UBE2D1: variants seen among roughly 807,000 people sequenced by gnomAD.
The protein encoded by UBE2D1 is ubiquitin-conjugating enzyme E2 D1.
UBE2D1 carries 9 observed loss-of-function variants against 24.6 expected under a neutral mutation model. That is an observed-to-expected ratio of 0.37 (90% CI 0.22 to 0.64). The LOEUF (loss-of-function observed/expected upper bound fraction) is 0.64. UBE2D1 is among the 30% of genes least tolerant of loss of function. The pLI is 0.64. For missense variants in UBE2D1, 87 were observed against 177.1 expected, an observed-to-expected ratio of 0.49 and a Z score of 2.89; for synonymous variants, 57 against 57.6, an observed-to-expected ratio of 0.99 and a Z score of 0.04.
chr10:58,358,271 TTAAC>T (rs1357867971), intron 1 of UBE2D1, among the ~76,000 whole-genome samples: 2 of 152,198 alleles, frequency 1.3e-5, no homozygotes, highest in Non-Finnish European at 2.9e-5. Context: ...CATTTTCTGA[TTAAC>T]TAGTTTGCTA....
At chr10:58,341,973 A>G (rs1162967013) in intron 1 of UBE2D1, among the ~76,000 whole-genome samples, 1 of 152,212 alleles carries the variant, frequency 6.6e-6, no homozygotes, top group African/African-American at 2.4e-5. Flanking sequence ...TTGGAGGGGT[A>G]GGTCCTCAGG....
intron 1 of UBE2D1, among the ~76,000 whole-genome samples, chr10:58,350,612 G>C (rs944575101): frequency 1.3e-5 from 2 of 152,016 alleles, no homozygotes; most frequent in Non-Finnish European, 2.9e-5. Flanking sequence ...TTTTAATCAA[G>C]TCCAAATTTT....
At chr10:58,368,436 T>G (rs1840279959) in intron 6 of UBE2D1, 1 of 288,358 alleles carries the variant, frequency 3.5e-6, no homozygotes. Flanking sequence ...TAATGCTCCT[T>G]CAGGATTGGC....
intron 1 of UBE2D1, among the ~76,000 whole-genome samples, chr10:58,342,738 T>G (rs1472424384): frequency 1.3e-5 from 2 of 152,126 alleles, no homozygotes; most frequent in Non-Finnish European, 2.9e-5. Context: ...AGCTTTCTGT[T>G]GTTGATTTCT....
chr10:58,360,936 AG>A (rs1178125683), intron 1 of UBE2D1: 1 of 452,330 alleles, frequency 2.2e-6, no homozygotes, highest in Admixed American at 2.4e-5. Flanking sequence ...AAAAAAAAAA[AG>A]TTATCCTGAA....
intron 1 of UBE2D1, among the ~76,000 whole-genome samples, chr10:58,345,750 A>G (rs1191994376): frequency 6.6e-6 from 1 of 152,140 alleles, no homozygotes; most frequent in Non-Finnish European, 1.5e-5. Flanking sequence ...GGAATTTGAT[A>G]TAGGTTGGGA....
chr10:58,366,920 C>G (rs1264340503), intron 5 of UBE2D1, among the ~76,000 whole-genome samples: 1 of 152,000 alleles, frequency 6.6e-6, no homozygotes, highest in Non-Finnish European at 1.5e-5. Flanking sequence ...TGCTTTTTAT[C>G]ATGAGGTTAG....
chr10:58,364,498 C>T (rs918233531), intron 4 of UBE2D1: 18 of 257,072 alleles, frequency 7.0e-5, no homozygotes, highest in Non-Finnish European at 1.1e-4. Context: ...CCAGTCATAC[C>T]GGCTACTAGA....
At chr10:58,353,154 G>A (rs1258122864) in intron 1 of UBE2D1, among the ~76,000 whole-genome samples, 1 of 152,156 alleles carries the variant, frequency 6.6e-6, no homozygotes, top group African/African-American at 2.4e-5. Flanking sequence ...CCTGACCAGT[G>A]ATTTATGAGG....
intron 1 of UBE2D1, among the ~76,000 whole-genome samples, chr10:58,352,119 CT>C (rs529276359): frequency 1.7e-4 from 26 of 151,904 alleles, no homozygotes; most frequent in African/African-American, 5.3e-4. Context: ...TTTCACATTT[CT>C]TTTTTTTCTT....
chr10:58,335,222 G>A lies in UBE2D1; in HGVS notation c.21G>A (p.Gln7=). MALKRI[Q]KELSDLQRDP... ...GACCCATGGCGCTGAAGAGGATTCAGAAAGTGAGTGCCGGGGCCGGGCCTG... is the reference window on the plus strand; with the variant it reads ...GACCCATGGCGCTGAAGAGGATTCAAAAAGTGAGTGCCGGGGCCGGGCCTG... Residue 7 remains glutamine (Q), a synonymous_variant, in exon 1 of 7, where the codon CAG becomes CAA. Transcript: ENST00000373910. 1 of 1,545,294 alleles carries A rather than the reference G, an allele frequency of 6.5e-7. No homozygotes were observed. The highest frequency in any genetic ancestry group is 8.7e-7 in the Non-Finnish European group (1 of 1,148,172).
chr10:58,369,782 T>C lies in UBE2D1; in HGVS notation c.*1017T>C, dbSNP rs974420639. 6.6e-6 allele frequency: 1 copy of C among 152,048 alleles called. No homozygotes were observed. The highest frequency in any genetic ancestry group is 2.4e-5 in the African/African-American group (1 of 41,426). 9.4% of individuals were successfully genotyped at this position (152,048 alleles called of 1,614,324 possible). A position where few individuals can be genotyped will look rare whatever the true frequency, so the allele number is the denominator to read the frequency against. On this transcript the variant is annotated 3_prime_UTR_variant, in exon 7 of 7. Transcript: ENST00000373910. ...ACTAAATTGTCAGTCTATAAGATAA[T>C]ATATGTTGATCCCTTGCTGTAGAGG... is the stretch of plus-strand genomic sequence containing the variant.
At chr10:58,343,775 T>G (rs1839987220) in intron 1 of UBE2D1, among the ~76,000 whole-genome samples, 2 of 152,216 alleles carry the variant, frequency 1.3e-5, no homozygotes, top group Non-Finnish European at 2.9e-5. Context: ...GAATTTATTA[T>G]GAAACACTCA....
At chr10:58,362,761 T>A (rs1036893331) in intron 3 of UBE2D1, among the ~76,000 whole-genome samples, 2 of 152,114 alleles carry the variant, frequency 1.3e-5, no homozygotes, top group South Asian at 4.1e-4. Flanking sequence ...AGAATTATTA[T>A]ACAGGAAAAT....
intron 6 of UBE2D1, 98 bp downstream of exon 6, chr10:58,368,114 GGTT>G (rs2132335503): frequency 1.2e-6 from 1 of 844,172 alleles, no homozygotes; most frequent in East Asian, 2.6e-5. Context: ...ATTTGATTAT[GGTT>G]GTTATATGTA....
At chr10:58,345,089 T>C (rs1341666264) in intron 1 of UBE2D1, among the ~76,000 whole-genome samples, 4 of 152,032 alleles carry the variant, frequency 2.6e-5, no homozygotes, top group African/African-American at 9.7e-5. Flanking sequence ...GGTCTCGAAC[T>C]CCTGACTTCA....
intron 3 of UBE2D1, among the ~76,000 whole-genome samples, chr10:58,361,734 T>C (rs992029622): frequency 3.3e-5 from 5 of 152,068 alleles, no homozygotes; most frequent in Non-Finnish European, 7.4e-5. Context: ...TTTCCTTTGC[T>C]GAATCCTAGA....
chr10:58,338,104 C>T (rs747488867), intron 1 of UBE2D1, among the ~76,000 whole-genome samples: 30 of 152,122 alleles, frequency 2.0e-4, no homozygotes, highest in Non-Finnish European at 3.2e-4. Context: ...ACCTCGGCCT[C>T]CCAAGGTGCT....
intron 6 of UBE2D1, chr10:58,368,291 A>G (rs1840278653): frequency 3.3e-6 from 1 of 306,790 alleles, no homozygotes; most frequent in Non-Finnish European, 6.1e-6. Context: ...GAAAGAATTT[A>G]ATCATTGGAA....
Sources: gnomAD v4.1 joint callset for allele counts (sites outside exome capture counted in the v4.1 genomes callset) on GRCh38, gnomAD v4.1.1 for gene constraint, MANE v1.5 for transcripts, NCBI Gene and HGNC (gene_info 2026-07-23, HGNC 2026-07-21) for gene names.